The following SPIN1 variants were observed in gnomAD, a reference collection of about 807,000 sequenced individuals.
The protein encoded by SPIN1 is spindlin-1.
In SPIN1, 3 loss-of-function variants were observed where a neutral mutation model predicts 26.0. The observed-to-expected ratio is 0.12, with a 90% CI of 0.05 to 0.30. SPIN1 has a LOEUF of 0.30. Ranked by LOEUF, SPIN1 falls within the 10% of genes least tolerant of loss-of-function variation. The probability of loss-of-function intolerance (pLI) is 1.00; values close to 1 mark genes in which losing one functional copy is unlikely to be tolerated. For synonymous variants in SPIN1, 101 were observed against 116.5 expected, an observed-to-expected ratio of 0.87 and a Z score of 0.86; for missense variants, 126 against 333.4, an observed-to-expected ratio of 0.38 and a Z score of 4.84.
intron 1 of SPIN1, among the ~76,000 whole-genome samples, chr9:88,388,797 G>A (rs974026632): frequency 1.3e-5 from 2 of 150,152 alleles, no homozygotes; most frequent in African/African-American, 2.4e-5. Flanking sequence ...CCCCATCCCC[G>A]CCGCCCCCCG....
chr9:88,394,062 T>C (rs993491242), intron 1 of SPIN1, among the ~76,000 whole-genome samples: 10 of 152,124 alleles, frequency 6.6e-5, no homozygotes, highest in Non-Finnish European at 1.3e-4. Context: ...TTGGTCCAGC[T>C]GGTCTCAAAC....
At chr9:88,393,558 C>T (rs879876487) in intron 1 of SPIN1, among the ~76,000 whole-genome samples, 9 of 143,784 alleles carry the variant, frequency 6.3e-5, no homozygotes, top group South Asian at 2.3e-4. Flanking sequence ...GGGAGTCAAG[C>T]GATTCTCCTG....
chr9:88,392,615 CCTT>C (rs931114257), intron 1 of SPIN1, among the ~76,000 whole-genome samples: 1 of 151,998 alleles, frequency 6.6e-6, no homozygotes, highest in Non-Finnish European at 1.5e-5. Context: ...CTCCTTCCTT[CCTT>C]CTTTCCTTCC....
At chr9:88,402,840 T>C (rs1374271770) in intron 1 of SPIN1, among the ~76,000 whole-genome samples, 1 of 152,246 alleles carries the variant, frequency 6.6e-6, no homozygotes, top group East Asian at 1.9e-4. Context: ...GTGGGATTGC[T>C]GAAGTATGTA....
In SPIN1 at chr9:88,471,332, C is replaced by A. The variant is rs145424948; in HGVS notation, c.589+2727C>A. Among the ~76,000 whole-genome samples, 10 of 152,074 alleles carry A rather than the reference C, an allele frequency of 6.6e-5. No homozygotes were observed. In the East Asian group the frequency reaches 1.9e-3, roughly 29 times the overall value. On this transcript the variant is annotated intron_variant, in intron 5 of 5. Coordinates refer to ENST00000375859, the MANE Select transcript of SPIN1 (RefSeq NM_006717.3). Reference sequence around the variant, plus strand: ...GTGACTGCCTATCTAGTTGTCCAAGCACCATATTTTGAAAAGACTATTCTT... The same window carrying A: ...GTGACTGCCTATCTAGTTGTCCAAGAACCATATTTTGAAAAGACTATTCTT...
chr9:88,394,496 CAG>C (rs1368046808), intron 1 of SPIN1, among the ~76,000 whole-genome samples: 1 of 152,174 alleles, frequency 6.6e-6, no homozygotes, highest in Non-Finnish European at 1.5e-5. Context: ...TTTAACATCA[CAG>C]AGTTTTTACT....
chr9:88,430,978 G>T (rs1827857165), intron 2 of SPIN1, among the ~76,000 whole-genome samples: 1 of 151,660 alleles, frequency 6.6e-6, no homozygotes, highest in Non-Finnish European at 1.5e-5. Flanking sequence ...TGCCTCCCAG[G>T]TTCAAGTGAT....
chr9:88,440,439 G>A (rs1478577313), intron 2 of SPIN1, among the ~76,000 whole-genome samples: 1 of 151,856 alleles, frequency 6.6e-6, no homozygotes, highest in East Asian at 2.0e-4. Flanking sequence ...GATTACGGGC[G>A]TGAGCCCCGT....
chr9:88,390,933 C>T (rs113227030), intron 1 of SPIN1, among the ~76,000 whole-genome samples: 1 of 152,128 alleles, frequency 6.6e-6, no homozygotes, highest in African/African-American at 2.4e-5. Context: ...GCAAAAACAG[C>T]ACATTGAAGG....
intron 1 of SPIN1, chr9:88,410,478 C>T (rs1177432491): frequency 2.8e-6 from 2 of 720,828 alleles, no homozygotes; most frequent in Middle Eastern, 3.8e-4. Context: ...TAACCTGTAG[C>T]TTCTCTGTCA....
At chr9:88,464,053 A>G (rs1046540928) in intron 4 of SPIN1, among the ~76,000 whole-genome samples, 4 of 152,184 alleles carry the variant, frequency 2.6e-5, no homozygotes, top group Admixed American at 2.6e-4. Context: ...GAAACTGTAC[A>G]AGTATCTCTG....
At chr9:88,474,966 T>G (rs1828860508) in intron 5 of SPIN1, 112 bp from the exon 6 acceptor site, 1 of 1,080,504 alleles carries the variant, frequency 9.3e-7, no homozygotes. Flanking sequence ...TTCAGGCTAT[T>G]AAAATTTTTT....
chr9:88,391,365 TG>T, intron 1 of SPIN1: 1 of 171,932 alleles, frequency 5.8e-6, no homozygotes, highest in Admixed American at 5.7e-5. Flanking sequence ...TGACAGTTTA[TG>T]GTTGAATTGG....
chr9:88,466,442 C>G (rs950254291), intron 4 of SPIN1, among the ~76,000 whole-genome samples: 1 of 152,072 alleles, frequency 6.6e-6, no homozygotes, highest in South Asian at 2.1e-4. Flanking sequence ...AGATGTGAGT[C>G]GCTGTGCCCA....
chr9:88,451,092 AT>A (rs1828343471), intron 3 of SPIN1, among the ~76,000 whole-genome samples: 5 of 149,460 alleles, frequency 3.3e-5, no homozygotes, highest in African/African-American at 1.3e-4. Flanking sequence ...CTAAAATGCA[AT>A]TTTTATGGAA....
At chr9:88,465,081 G>C (rs1406906332) in intron 4 of SPIN1, among the ~76,000 whole-genome samples, 1 of 152,136 alleles carries the variant, frequency 6.6e-6, no homozygotes, top group Admixed American at 6.5e-5. Flanking sequence ...CGTGTGACAG[G>C]ATTTCCTTTA....
intron 1 of SPIN1, among the ~76,000 whole-genome samples, chr9:88,416,454 C>G (rs1827566710): frequency 6.6e-6 from 1 of 151,776 alleles, no homozygotes; most frequent in Non-Finnish European, 1.5e-5. Flanking sequence ...GCCTCCTGAA[C>G]TGGAACTACA....
At chr9:88,398,146 C>T (rs868740547) in intron 1 of SPIN1, among the ~76,000 whole-genome samples, 47 of 151,424 alleles carry the variant, frequency 3.1e-4, no homozygotes, top group African/African-American at 8.2e-4. Context: ...AGGCTGGTCT[C>T]GAGCTCCTGA....
At chr9:88,432,821 T>C (rs984260908) in intron 2 of SPIN1, among the ~76,000 whole-genome samples, 2 of 152,060 alleles carry the variant, frequency 1.3e-5, no homozygotes, top group African/African-American at 4.8e-5. Context: ...TTATTTACTT[T>C]ATATTTTCCC....
Sources: gnomAD v4.1 joint callset for allele counts (sites outside exome capture counted in the v4.1 genomes callset) on GRCh38, gnomAD v4.1.1 for gene constraint, MANE v1.5 for transcripts, NCBI Gene and HGNC (gene_info 2026-07-23, HGNC 2026-07-21) for gene names.